PTPRG: variants seen among roughly 807,000 people sequenced by gnomAD.
PTPRG encodes receptor-type tyrosine-protein phosphatase gamma.
A neutral mutation model predicts 165.3 loss-of-function variants in PTPRG; 102 were observed. The observed-to-expected ratio is 0.62, with a 90% CI of 0.53 to 0.73. The LOEUF is 0.73. PTPRG is among the 30% of genes least tolerant of loss of function. PTPRG has a pLI of 0.00. For synonymous variants in PTPRG, 675 were observed against 669.5 expected, an observed-to-expected ratio of 1.01 and a Z score of -0.13; for missense variants, 1,866 against 1,861.4, an observed-to-expected ratio of 1.00 and a Z score of -0.05.
At chr3:62,121,144 G>C (rs760384427) in intron 5 of PTPRG, among the ~76,000 whole-genome samples, 1 of 149,824 alleles carries the variant, frequency 6.7e-6, no homozygotes, top group African/African-American at 2.5e-5. Context: ...TAGTAAAGAC[G>C]GGGTTTCACC....
intron 1 of PTPRG, among the ~76,000 whole-genome samples, chr3:61,611,980 T>C (rs1701183542): frequency 6.6e-6 from 1 of 152,306 alleles, no homozygotes; most frequent in South Asian, 2.1e-4. Context: ...TCCTGCTCCA[T>C]TGCCCAGGCT....
At chr3:61,970,342 T>C (rs964667125) in intron 2 of PTPRG, among the ~76,000 whole-genome samples, 16 of 152,124 alleles carry the variant, frequency 1.1e-4, no homozygotes, top group Non-Finnish European at 2.1e-4. Context: ...TTCTTTGTTT[T>C]GAAAAATCAC....
At chr3:61,972,481 G>A (rs1054853696) in intron 2 of PTPRG, among the ~76,000 whole-genome samples, 15 of 145,554 alleles carry the variant, frequency 1.0e-4, no homozygotes, top group African/African-American at 3.8e-4. Context: ...ATAATAGACT[G>A]AAGGGGAGGG....
chr3:61,738,793 G>T (rs1191542271), intron 1 of PTPRG, among the ~76,000 whole-genome samples: 1 of 151,292 alleles, frequency 6.6e-6, no homozygotes, highest in Non-Finnish European at 1.5e-5. Context: ...TTTTATTTTT[G>T]AGACAAGGTC....
chr3:62,241,426 C>CAAA (rs1179709983), intron 14 of PTPRG, among the ~76,000 whole-genome samples: 3 of 152,264 alleles, frequency 2.0e-5, no homozygotes, highest in Non-Finnish European at 4.4e-5. Flanking sequence ...GGAGCTTTGT[C>CAAA]CCCCAGGTTT....
intron 2 of PTPRG, among the ~76,000 whole-genome samples, chr3:61,915,360 A>G (rs890168914): frequency 6.6e-6 from 1 of 151,970 alleles, no homozygotes; most frequent in Non-Finnish European, 1.5e-5. Flanking sequence ...TTCTCCCCCT[A>G]TTTTCCTGTT....
At chr3:62,191,758 C>G (rs905762388) in intron 9 of PTPRG, 105 bp downstream of exon 9, 3 of 1,156,792 alleles carry the variant, frequency 2.6e-6, no homozygotes, top group African/African-American at 3.1e-5. Context: ...GTCATCTGTC[C>G]TCACACTGTC....
intron 2 of PTPRG, among the ~76,000 whole-genome samples, chr3:61,756,664 T>C (rs1340048987): frequency 6.6e-6 from 1 of 152,252 alleles, no homozygotes; most frequent in Non-Finnish European, 1.5e-5. Flanking sequence ...TAATGGATGC[T>C]AATGCATTAA....
intron 1 of PTPRG, among the ~76,000 whole-genome samples, chr3:61,578,942 C>A (rs149499769): frequency 2.6e-5 from 4 of 152,084 alleles, no homozygotes; most frequent in Non-Finnish European, 4.4e-5. Flanking sequence ...AGTTCTTTTA[C>A]GAGGGATAAA....
chr3:61,904,977 G>A (rs1424342006), intron 2 of PTPRG, among the ~76,000 whole-genome samples: 4 of 151,550 alleles, frequency 2.6e-5, no homozygotes, highest in African/African-American at 9.7e-5. Flanking sequence ...GGTTCCTGCT[G>A]TCTGTCTTTT....
At chr3:62,267,913 T>C in intron 19 of PTPRG, 94 bp downstream of exon 19, 1 of 1,405,286 alleles carries the variant, frequency 7.1e-7, no homozygotes, top group Non-Finnish European at 9.7e-7. Context: ...TGACAAGGTA[T>C]AAAGAGTTAC....
intron 2 of PTPRG, among the ~76,000 whole-genome samples, chr3:61,982,788 C>A (rs1338282605): frequency 6.6e-6 from 1 of 152,002 alleles, no homozygotes; most frequent in Non-Finnish European, 1.5e-5. Context: ...GAAATTTTAC[C>A]TGAAATAGTT....
chr3:61,953,256 A>C (rs2039940980), intron 2 of PTPRG, among the ~76,000 whole-genome samples: 1 of 151,930 alleles, frequency 6.6e-6, no homozygotes, highest in Non-Finnish European at 1.5e-5. Context: ...TCAGAGCCTT[A>C]CTCTTCTCCC....
chr3:61,581,242 A>G (rs1425605165), intron 1 of PTPRG, among the ~76,000 whole-genome samples: 1 of 152,176 alleles, frequency 6.6e-6, no homozygotes, highest in African/African-American at 2.4e-5. Context: ...TCCCCCAGAG[A>G]AAGTTGCCAG....
chr3:62,040,936 C>A (rs895784404), intron 4 of PTPRG, among the ~76,000 whole-genome samples: 1 of 152,170 alleles, frequency 6.6e-6, no homozygotes, highest in Admixed American at 6.5e-5. Flanking sequence ...CTGGAGGCAA[C>A]ATGGGAGACA....
intron 4 of PTPRG, among the ~76,000 whole-genome samples, chr3:62,008,654 G>A (rs900253061): frequency 6.6e-6 from 1 of 152,222 alleles, no homozygotes; most frequent in African/African-American, 2.4e-5. Context: ...CCAGGGACTG[G>A]TTTTGTGGAA....
intron 2 of PTPRG, among the ~76,000 whole-genome samples, chr3:61,880,378 G>T (rs1162789089): frequency 1.3e-5 from 2 of 152,080 alleles, no homozygotes; most frequent in Non-Finnish European, 2.9e-5. Context: ...CCAGAACTTC[G>T]GGAGACCAAG....
At chr3:61,849,494 G>A (rs556110124) in intron 2 of PTPRG, among the ~76,000 whole-genome samples, 2 of 152,222 alleles carry the variant, frequency 1.3e-5, no homozygotes, top group South Asian at 2.1e-4. Flanking sequence ...AAATAAAACA[G>A]AGTCTCGCAC....
At chr3:61,594,768 A>G (rs1007938999) in intron 1 of PTPRG, among the ~76,000 whole-genome samples, 2 of 152,184 alleles carry the variant, frequency 1.3e-5, no homozygotes, top group Admixed American at 6.5e-5. Flanking sequence ...ATACTACACT[A>G]ATAATCTGGC....
Sources: allele counts gnomAD v4.1 joint callset (sites outside exome capture counted in the v4.1 genomes callset), GRCh38; gene constraint gnomAD v4.1.1; transcripts MANE v1.5; gene names NCBI Gene and HGNC (gene_info 2026-07-23, HGNC 2026-07-21).